The following CYB561D2 variants were observed in gnomAD, a reference collection of about 807,000 sequenced individuals.
CYB561D2 encodes cytochrome b561 family member D2.
A neutral mutation model predicts 20.2 loss-of-function variants in CYB561D2; 16 were observed. That is an observed-to-expected ratio of 0.79 (90% CI 0.53 to 1.20). The LOEUF (loss-of-function observed/expected upper bound fraction) is 1.20, where lower values mean the gene tolerates loss of function less well. Among genes scored for constraint, CYB561D2 ranks in the 50% most tolerant of loss-of-function variants. The pLI is 0.00. For synonymous variants in CYB561D2, 135 were observed against 128.3 expected (o/e 1.05, Z -0.35); for missense variants, 247 against 270.3 (o/e 0.91, Z 0.60).
chr3:50,351,547 C>T lies in CYB561D2; in HGVS notation c.114C>T (p.Ala38=), dbSNP rs1703762291. ...TTACCATCTTTGTGGCTGTGCTTGC[C>T]AGGCCTGGCTCCAGTAAGTAGAATT... is the stretch of plus-strand genomic sequence containing the variant. ...LGFTIFVAVL[A]RPGSSLFSWH... is the part of the protein sequence containing the mutation. Residue 38 remains alanine (A), a synonymous_variant, in exon 2 of 4, where the codon GCC becomes GCT. Coordinates refer to ENST00000425346, the MANE Select transcript of CYB561D2 (RefSeq NM_001291284.2). 2.5e-6 allele frequency: 4 copies of T among 1,611,430 alleles called. No homozygotes were observed. Among genetic ancestry groups the T allele is most frequent in the Middle Eastern group, 1.7e-4 (1 of 6,058 alleles).
chr3:50,351,704 G>A, intron 2 of CYB561D2, 144 bp downstream of exon 2: 1 of 1,238,056 alleles, frequency 8.1e-7, no homozygotes, highest in Non-Finnish European at 1.1e-6. Flanking sequence ...AGGTAGGTAT[G>A]GCCAGGGCAC....
intron 2 of CYB561D2, 33 bp downstream of exon 2, chr3:50,351,593 G>A: frequency 1.3e-6 from 2 of 1,599,280 alleles, no homozygotes; most frequent in South Asian, 2.2e-5. Context: ...TTCTGGGAAG[G>A]GAAGGGCCAC....
At chr3:50,351,814 G>T (rs587690134) in intron 2 of CYB561D2, among the ~76,000 whole-genome samples, 195 bp from the exon 3 acceptor site, 1 of 152,356 alleles carries the variant, frequency 6.6e-6, no homozygotes, top group East Asian at 1.9e-4. Flanking sequence ...GAGTGGCAAA[G>T]CATGGCCTCT....
chr3:50,351,361 G>A, intron 1 of CYB561D2, 48 bp from the exon 2 acceptor site: 1 of 1,571,590 alleles, frequency 6.4e-7, no homozygotes, highest in Non-Finnish European at 8.7e-7. Context: ...CCAGTGAGGA[G>A]TGAACAGTGG....
At position 50,353,714 on chromosome 3, in the gene CYB561D2, C is replaced by T; in HGVS notation, c.639C>T (p.Ala213=). ...SLVIMNQVSN[A]YLYRKRIQP Reference sequence around the variant, plus strand: ...TCATTATGAACCAGGTGAGCAATGCCTACCTATACCGCAAGAGGATCCAAC... The same window carrying T: ...TCATTATGAACCAGGTGAGCAATGCTTACCTATACCGCAAGAGGATCCAAC... The change falls in exon 4 of 4, where the codon GCC becomes GCT. Residue 213 remains alanine (A), a synonymous_variant. Coordinates refer to ENST00000425346, the MANE Select transcript of CYB561D2 (RefSeq NM_001291284.2). 1 of 1,607,574 alleles carries T rather than the reference C, an allele frequency of 6.2e-7. No individual in the cohort carries two copies. The highest frequency in any genetic ancestry group is 8.5e-7 in the Non-Finnish European group (1 of 1,176,242).
Sources: gnomAD v4.1 joint callset for allele counts (sites outside exome capture counted in the v4.1 genomes callset) on GRCh38, gnomAD v4.1.1 for gene constraint, MANE v1.5 for transcripts, NCBI Gene and HGNC (gene_info 2026-07-23, HGNC 2026-07-21) for gene names.